Variants in GAB3 observed in about 807,000 individuals in gnomAD.
The protein encoded by GAB3 is GRB2 associated binding protein 3, also known as GRB2-associated-binding protein 3.
Under a neutral mutation model 40.4 loss-of-function variants are expected in GAB3, and 12 were observed. The observed-to-expected ratio is 0.30, with a 90% CI of 0.19 to 0.48. The LOEUF is 0.48. GAB3 is among the 20% of genes least tolerant of loss of function. The pLI, the probability that GAB3 is intolerant of heterozygous loss-of-function variation, is 0.99. For synonymous variants in GAB3, 154 were observed against 176.7 expected, an observed-to-expected ratio of 0.87 and a Z score of 1.02; for missense variants, 381 against 461.9, an observed-to-expected ratio of 0.82 and a Z score of 1.61.
chrX:154,743,633 ATAT>A (rs1434187224), intron 1 of GAB3, among the ~76,000 whole-genome samples: 4 of 111,258 alleles, frequency 3.6e-5, no homozygotes, highest in African/African-American at 1.3e-4. Context: ...TATACTACTA[ATAT>A]TATAATGATA....
upstream of GAB3, among the ~76,000 whole-genome samples, chrX:154,751,314 G>A (rs1436582426): frequency 1.0e-5 from 1 of 99,676 alleles, no homozygotes; most frequent in African/African-American, 3.7e-5. Flanking sequence ...GGGAGCCTAC[G>A]CAGCAGGGCG....
chrX:154,693,076 A>C (rs1489889485), intron 8 of GAB3, among the ~76,000 whole-genome samples: 1 of 111,926 alleles, frequency 8.9e-6, no homozygotes, highest in Non-Finnish European at 1.9e-5. Context: ...CCATTAGCAG[A>C]TGAATGGATG....
chrX:154,743,462 GT>G (rs1399399519), intron 1 of GAB3, among the ~76,000 whole-genome samples: 1 of 111,553 alleles, frequency 9.0e-6, no homozygotes, highest in East Asian at 2.8e-4. Flanking sequence ...TAAAAGTTTA[GT>G]TTTTTCTCTT....
At chrX:154,722,633 T>C (rs2071151996) in intron 1 of GAB3, among the ~76,000 whole-genome samples, 1 of 112,221 alleles carries the variant, frequency 8.9e-6, no homozygotes, top group African/African-American at 3.2e-5. Flanking sequence ...GAGATATCTA[T>C]GGATTAAATG....
chrX:154,691,280 AG>A (rs2070560348), intron 8 of GAB3, among the ~76,000 whole-genome samples: 2 of 37,924 alleles, frequency 5.3e-5, no homozygotes, highest in Admixed American at 8.7e-4. Context: ...GGGTGGGGGG[AG>A]GGGGGAGGGA....
chrX:154,742,505 G>A (rs2071457851), intron 1 of GAB3, among the ~76,000 whole-genome samples: 1 of 110,310 alleles, frequency 9.1e-6, no homozygotes, highest in Non-Finnish European at 1.9e-5. Context: ...AAGGAATTTT[G>A]AATCAAAATT....
At chrX:154,699,917 G>T in intron 5 of GAB3, 87 bp downstream of exon 5, 1 of 778,184 alleles carries the variant, frequency 1.3e-6, no homozygotes, top group Non-Finnish European at 2.0e-6. Context: ...TCAGAGTGCT[G>T]AATCTTAAAG....
chrX:154,751,137 C>T (rs2071610214), upstream of GAB3: 2 of 679,388 alleles, frequency 2.9e-6, no homozygotes, highest in Non-Finnish European at 3.5e-6. Flanking sequence ...AGCGCCGCCC[C>T]GAGCGGCCGC....
chrX:154,709,178 G>C (rs5945231), intron 4 of GAB3, among the ~76,000 whole-genome samples: 1 of 110,393 alleles, frequency 9.1e-6, no homozygotes, highest in Non-Finnish European at 1.9e-5. Context: ...TGTAAGACAT[G>C]CTTCCTTCCT....
At chrX:154,699,025 A>G (rs1557251412) in intron 6 of GAB3, among the ~76,000 whole-genome samples, 1 of 111,133 alleles carries the variant, frequency 9.0e-6, no homozygotes, top group African/African-American at 3.3e-5. Flanking sequence ...ACAGCCAAAG[A>G]CGAGCCCTCT....
At chrX:154,708,626 A>G (rs1200289034) in intron 4 of GAB3, among the ~76,000 whole-genome samples, 1 of 112,145 alleles carries the variant, frequency 8.9e-6, no homozygotes, top group Non-Finnish European at 1.9e-5. Flanking sequence ...GACATCACTA[A>G]CCATCATGGA....
At chrX:154,751,335 T>C (rs2071616286), upstream of GAB3, among the ~76,000 whole-genome samples, 1 of 101,383 alleles carries the variant, frequency 9.9e-6, no homozygotes, top group African/African-American at 3.7e-5. Flanking sequence ...CCTGCCACTC[T>C]CACCCAGGGT....
At chrX:154,749,114 G>C (rs2071571807) in intron 1 of GAB3, among the ~76,000 whole-genome samples, 1 of 111,398 alleles carries the variant, frequency 9.0e-6, no homozygotes, top group Non-Finnish European at 1.9e-5. Flanking sequence ...CTTAAGTCTA[G>C]TCACTGCCCC....
chrX:154,734,619 C>A (rs2071339212), intron 1 of GAB3, among the ~76,000 whole-genome samples: 1 of 112,071 alleles, frequency 8.9e-6, no homozygotes, highest in African/African-American at 3.2e-5. Context: ...GGGAAGGAAC[C>A]CCGACTTTGA....
intron 4 of GAB3, among the ~76,000 whole-genome samples, chrX:154,708,959 GGCCC>G (rs2070862589): frequency 9.0e-6 from 1 of 111,684 alleles, no homozygotes; most frequent in Non-Finnish European, 1.9e-5. Context: ...GATATGGTTT[GGCCC>G]TGTGTCCCCC....
rs981178736 is a variant in GAB3, at chrX:154,749,748, C to T, written c.72+1206G>A. Among the ~76,000 whole-genome samples the T allele has an allele frequency of 1.2e-3, 140 of 112,795 alleles. 2 individuals carry two copies. The highest frequency in any genetic ancestry group is 1.1e-4 in the Non-Finnish European group (6 of 53,314). On this transcript the variant is annotated intron_variant, in intron 1 of 9. Transcript: ENST00000424127. The stretch of plus-strand genomic sequence containing the variant: ...AAGACCCCTAAGAGAGAAACACACA[C>T]TGTCTAGCCCGATGTGAATGGGGAA...
intron 1 of GAB3, among the ~76,000 whole-genome samples, chrX:154,719,074 A>G (rs1439201118): frequency 8.9e-6 from 1 of 111,833 alleles, no homozygotes; most frequent in Non-Finnish European, 1.9e-5. Context: ...AGAAGGGTAG[A>G]ATTATGATAT....
Position 154,712,597 on chromosome X carries a change from T to C in GAB3, c.701A>G (p.His234Arg), listed in dbSNP as rs150585256. Residue 234 changes from histidine (H) to arginine (R), a missense_variant, in exon 4 of 10, where the codon CAT becomes CGT. By Grantham distance (29) the His-to-Arg change is conservative. Coordinates refer to ENST00000424127, the MANE Select transcript of GAB3 (RefSeq NM_001081573.3). Reference protein sequence around the residue: ...VDCLQPLPSSHLVHPSCHGSG... With the variant: ...VDCLQPLPSSRLVHPSCHGSG... ...GCCATGGCATGAGGGGTGGACCAAATGACTGGAGGGGAGCGGCTGCAGGCA... is the reference window on the plus strand; with the variant it reads ...GCCATGGCATGAGGGGTGGACCAAACGACTGGAGGGGAGCGGCTGCAGGCA... 1.7e-6 allele frequency: 2 copies of C among 1,144,552 alleles called. No individual in the cohort carries two copies. The highest frequency in any genetic ancestry group is 2.3e-6 in the Non-Finnish European group (2 of 864,305). 94.3% of individuals were successfully genotyped at this position (1,144,552 alleles called of 1,213,427 possible). A position where few individuals can be genotyped will look rare whatever the true frequency, so the allele number is the denominator to read the frequency against.
At chrX:154,742,985 C>CAT (rs34588574) in intron 1 of GAB3, among the ~76,000 whole-genome samples, 14,398 of 92,084 alleles carry the variant, frequency 0.16, 1,530 homozygotes, top group African/African-American at 0.35. Context: ...AGTGTGTGTA[C>CAT]ATATATATAT....
Sources: gnomAD v4.1 joint callset for allele counts (sites outside exome capture counted in the v4.1 genomes callset) on GRCh38, gnomAD v4.1.1 for gene constraint, MANE v1.5 for transcripts, NCBI Gene and HGNC (gene_info 2026-07-23, HGNC 2026-07-21) for gene names.